Variants in ZNF726 observed in about 807,000 individuals in gnomAD.
The protein encoded by ZNF726 is zinc finger protein 92 pseudogene 3.
In ZNF726, 15 loss-of-function variants were observed where a neutral mutation model predicts 11.6. The ratio of observed to expected loss-of-function variants is 1.29; its 90% CI spans 0.86 to 1.99. The LOEUF (loss-of-function observed/expected upper bound fraction) is 1.99. ZNF726 is among the 30% of genes most tolerant of loss of function. The pLI is 0.00. For synonymous variants in ZNF726, 295 were observed against 243.6 expected (o/e 1.21, Z -1.96); for missense variants, 890 against 725.6 (o/e 1.23, Z -2.60).
At chr19:23,922,502 A>G (rs1318112461) in intron 3 of ZNF726, among the ~76,000 whole-genome samples, 1 of 152,216 alleles carries the variant, frequency 6.6e-6, no homozygotes, top group Non-Finnish European at 1.5e-5. Flanking sequence ...ATTGGCTCCC[A>G]AGACTGTGGC....
At chr19:23,928,606 G>A (rs552740335) in intron 3 of ZNF726, 11 of 151,980 alleles carry the variant, frequency 7.2e-5, no homozygotes, top group Non-Finnish European at 1.2e-4. Context: ...GTTAGCACTT[G>A]ACTTAAAATA....
At chr19:23,936,883 C>T (rs959302149), downstream of ZNF726, among the ~76,000 whole-genome samples, 18 of 152,042 alleles carry the variant, frequency 1.2e-4, no homozygotes, top group South Asian at 2.1e-4. Context: ...GGCAACCATC[C>T]GATTTCTCAA....
intron 3 of ZNF726, among the ~76,000 whole-genome samples, chr19:23,922,685 A>C (rs1278725365): frequency 6.6e-6 from 1 of 152,234 alleles, no homozygotes; most frequent in African/African-American, 2.4e-5. Context: ...GCAGAATTTC[A>C]CAACTCCTTT....
At position 23,930,682 on chromosome 19, in the gene ZNF726, A is replaced by C. The variant is rs578127292; in HGVS notation, c.227-1661A>C. 4.0e-5 allele frequency among the ~76,000 whole-genome samples: 6 copies of C among 151,370 alleles called. No individual in the cohort carries two copies. The East Asian group carries it at 1.2e-3, about 30-fold the overall frequency. ...AATCCTGTGTAGATGTGAAGTCATAAAATTATTGTAATTTCAACATCCTAT... is the reference window on the plus strand; with the variant it reads ...AATCCTGTGTAGATGTGAAGTCATACAATTATTGTAATTTCAACATCCTAT... On this transcript the variant is annotated intron_variant, in intron 3 of 3. Coordinates refer to ENST00000594466, the MANE Select transcript of ZNF726 (RefSeq NM_001244038.2).
At position 23,934,264 on chromosome 19, in the gene ZNF726, A is replaced by G; in HGVS notation, c.*297A>G. 2 of 635,260 alleles carry G rather than the reference A, an allele frequency of 3.1e-6. No homozygotes were observed. Among genetic ancestry groups the G allele is most frequent in the Non-Finnish European group, 6.1e-6 (2 of 330,240 alleles). The allele number at this position is 635,260 out of a possible 1,614,324, so 39.4% of individuals were successfully genotyped here. A position where few individuals can be genotyped will look rare whatever the true frequency, so the allele number is the denominator to read the frequency against. On this transcript the variant is annotated 3_prime_UTR_variant, in exon 4 of 4. Coordinates refer to ENST00000594466, the MANE Select transcript of ZNF726 (RefSeq NM_001244038.2). ...GGCAAAGCATATGGTCCACACCCCTAAGTAGACATAAGAGGATGCACACTG... is the reference window on the plus strand; with the variant it reads ...GGCAAAGCATATGGTCCACACCCCTGAGTAGACATAAGAGGATGCACACTG...
chr19:23,935,471 A>G (rs943913872), downstream of ZNF726: 2 of 497,784 alleles, frequency 4.0e-6, no homozygotes, highest in Non-Finnish European at 8.0e-6. Flanking sequence ...ACAAGTGTGA[A>G]TAATATGGAA....
chr19:23,921,447 G>C (rs1441737806), intron 3 of ZNF726: 1 of 152,126 alleles, frequency 6.6e-6, no homozygotes, highest in African/African-American at 2.4e-5. Context: ...CTGGAATTTT[G>C]ACAGGGAGTT....
intron 3 of ZNF726, among the ~76,000 whole-genome samples, chr19:23,940,155 G>T (rs557937688): frequency 5.9e-5 from 9 of 152,078 alleles, no homozygotes; most frequent in Non-Finnish European, 1.0e-4. Flanking sequence ...TCAGGTCTTA[G>T]GTTTAAGTCC....
intron 3 of ZNF726, among the ~76,000 whole-genome samples, chr19:23,940,081 A>C (rs1025113760): frequency 6.6e-6 from 1 of 151,928 alleles, no homozygotes; most frequent in Non-Finnish European, 1.5e-5. Context: ...TTGGTCATGA[A>C]ATTTTTGCCT....
intron 2 of ZNF726, 93 bp from the exon 3 acceptor site, chr19:23,919,894 A>C: frequency 2.9e-6 from 2 of 685,622 alleles, no homozygotes; most frequent in South Asian, 2.1e-5. Flanking sequence ...ATTTATTAGA[A>C]TATTCTATTA....
At chr19:23,915,062 G>T in intron 1 of ZNF726, 65 bp downstream of exon 1, 1 of 1,611,970 alleles carries the variant, frequency 6.2e-7, no homozygotes, top group Non-Finnish European at 8.5e-7. Flanking sequence ...GTGGGAAGCG[G>T]CAGTGGCGGG....
chr19:23,941,049 C>CT (rs1349673844), intron 3 of ZNF726, among the ~76,000 whole-genome samples: 1 of 151,970 alleles, frequency 6.6e-6, no homozygotes. Flanking sequence ...GGCATCCTTT[C>CT]TTTTTTCTGT....
intron 3 of ZNF726, among the ~76,000 whole-genome samples, chr19:23,939,769 C>T (rs983570712): frequency 6.6e-6 from 1 of 150,716 alleles, no homozygotes; most frequent in South Asian, 2.1e-4. Context: ...TTTCCCTTAT[C>T]ATTAGTGATG....
chr19:23,933,536 A>G lies in ZNF726; in HGVS notation c.1420A>G (p.Met474Val), dbSNP rs773349783. Residue 474 changes from methionine to valine, a missense_variant, in exon 4 of 4, where the codon ATG becomes GTG. Physicochemically the swap from Met to Val is conservative, Grantham distance 21 (BLOSUM62 1). Transcript: ENST00000594466. ...CTCAGCCCTAACTACACATAAGAGG[A>G]TGCACACTGGAGAGAAACCCTACAA... The part of the protein sequence containing the change: ...RSSALTTHKR[M>V]HTGEKPYKCE... The G allele has an allele frequency of 1.9e-6, 3 of 1,612,898 alleles. No homozygotes were observed. Among genetic ancestry groups the G allele is most frequent in the Admixed American group, 1.7e-5 (1 of 60,008 alleles).
chr19:23,936,533 CTTTT>C (rs1968234207), downstream of ZNF726, among the ~76,000 whole-genome samples: 1 of 151,892 alleles, frequency 6.6e-6, no homozygotes, highest in Non-Finnish European at 1.5e-5. Context: ...ATGAGAGATT[CTTTT>C]TTATTAGGTA....
chr19:23,943,846 G>C (rs1196372550), intron 4 of ZNF726: 1 of 289,596 alleles, frequency 3.5e-6, no homozygotes, highest in Non-Finnish European at 6.4e-6. Flanking sequence ...TGGCTTATAA[G>C]GTACTGCATG....
intron 1 of ZNF726, 191 bp from the exon 2 acceptor site, chr19:23,919,182 C>T: frequency 1.2e-6 from 1 of 801,074 alleles, no homozygotes; most frequent in Non-Finnish European, 1.8e-6. Context: ...GATATTATGC[C>T]AGTCTCTTTT....
chr19:23,920,207 TA>T (rs373667676), intron 3 of ZNF726, 125 bp downstream of exon 3: 26,772 of 532,310 alleles, frequency 0.05, 1,009 homozygotes, highest in South Asian at 0.076. Flanking sequence ...GCCTGAAATT[TA>T]AAAAAAAATA....
chr19:23,935,250 A>G (rs1226240833), downstream of ZNF726: 2 of 469,110 alleles, frequency 4.3e-6, no homozygotes, highest in Admixed American at 4.7e-5. Context: ...CCTGTCTTCA[A>G]CTTTTATTAA....
Sources: gnomAD v4.1 joint callset for allele counts (sites outside exome capture counted in the v4.1 genomes callset) on GRCh38, gnomAD v4.1.1 for gene constraint, MANE v1.5 for transcripts, NCBI Gene and HGNC (gene_info 2026-07-23, HGNC 2026-07-21) for gene names.